The following GAD2 variants were observed in gnomAD, a reference collection of about 807,000 sequenced individuals.
GAD2 encodes glutamate decarboxylase 2, also known as 65 kDa glutamic acid decarboxylase.
Under a neutral mutation model 80.1 loss-of-function variants are expected in GAD2, and 22 were observed. The ratio of observed to expected loss-of-function variants is 0.27; its 90% CI spans 0.20 to 0.39. GAD2 has a LOEUF of 0.39. Ranked by LOEUF, GAD2 falls within the 10% of genes least tolerant of loss-of-function variation. The pLI, the probability that GAD2 is intolerant of heterozygous loss-of-function variation, is 1.00. For missense variants in GAD2, 624 were observed against 738.4 expected (o/e 0.85, Z 1.80); for synonymous variants, 274 against 256.9 (o/e 1.07, Z -0.64).
chr10:26,234,642 A>T lies in GAD2; in HGVS notation c.840+4865A>T, dbSNP rs79054243. Among the ~76,000 whole-genome samples, 1,025 of 152,252 alleles carry T rather than the reference A, an allele frequency of 6.7e-3. 65 individuals carry two copies. In the East Asian group the frequency reaches 0.17, roughly 25 times the overall value. On this transcript the variant is annotated intron_variant, in intron 7 of 15. Transcript: ENST00000376261. ...TGTGTGACACTGGACAAGTTACTTA[A>T]TCTCGCTATGCCTCAGTTTTCTGAT...
At chr10:26,227,443 T>G (rs987734968) in intron 6 of GAD2, among the ~76,000 whole-genome samples, 1 of 152,048 alleles carries the variant, frequency 6.6e-6, no homozygotes, top group Non-Finnish European at 1.5e-5. Flanking sequence ...CAGAGTGAGG[T>G]GTGGGAGGGC....
chr10:26,218,528 T>C, intron 3 of GAD2, among the ~76,000 whole-genome samples: 1 of 129,626 alleles, frequency 7.7e-6, no homozygotes, highest in Non-Finnish European at 1.6e-5. Flanking sequence ...CAGACACACA[T>C]GCATACGCTC....
chr10:26,292,541 G>A lies in GAD2; in HGVS notation c.1463G>A (p.Arg488Gln). ...TATTTATACAACATCATAAAAAACC[G>A]AGAAGGATATGAGATGGTGTTTGAT... is the stretch of plus-strand genomic sequence containing the variant. ...AEYLYNIIKN[R>Q]EGYEMVFDGK... The change falls in exon 14 of 16, where the codon CGA becomes CAA. Residue 488 changes from arginine to glutamine, a missense_variant. By Grantham distance (43) the Arg-to-Gln change is conservative. Coordinates refer to ENST00000376261, the MANE Select transcript of GAD2 (RefSeq NM_001134366.2). 6.2e-7 allele frequency: 1 copy of A among 1,613,846 alleles called. No individual in the cohort carries two copies. The highest frequency in any genetic ancestry group is 8.5e-7 in the Non-Finnish European group (1 of 1,179,762).
At chr10:26,230,319 C>T (rs774006000) in intron 7 of GAD2, among the ~76,000 whole-genome samples, 5 of 152,208 alleles carry the variant, frequency 3.3e-5, no homozygotes, top group East Asian at 1.9e-4. Flanking sequence ...ATTGATGCTA[C>T]GCCCATGTAA....
rs766629595 is a variant in GAD2 at position 26,216,809 on chromosome 10, G to T, written c.-1G>T. 1.4e-5 allele frequency: 23 copies of T among 1,611,956 alleles called. No homozygotes were observed. The South Asian group carries it at 2.5e-4, about 18-fold the overall frequency. Reference sequence around the variant, plus strand: ...GCGACCTGCTCCAGTCTCCAAAGCCGATGGCATCTCCGGGCTCTGGCTTTT... The same window carrying T: ...GCGACCTGCTCCAGTCTCCAAAGCCTATGGCATCTCCGGGCTCTGGCTTTT... On this transcript the variant is annotated 5_prime_UTR_variant, in exon 1 of 16. Transcript: ENST00000376261. The surrounding 1 kb of genome is among the most constrained non-coding windows in gnomAD (Gnocchi z 4.7).
chr10:26,263,592 T>G (rs911432977), intron 8 of GAD2, among the ~76,000 whole-genome samples: 10 of 152,238 alleles, frequency 6.6e-5, no homozygotes, highest in Non-Finnish European at 1.5e-4. Flanking sequence ...GTTTCTGTAG[T>G]CACTACGCAG....
chr10:26,270,061 C>T (rs1318975304), intron 9 of GAD2, among the ~76,000 whole-genome samples: 3 of 152,106 alleles, frequency 2.0e-5, no homozygotes, highest in Non-Finnish European at 4.4e-5. Context: ...TCTTCCAGCC[C>T]GTTACTTCAA....
chr10:26,238,005 G>GACACACACACAC (rs58551669), intron 7 of GAD2, among the ~76,000 whole-genome samples: 3 of 118,240 alleles, frequency 2.5e-5, no homozygotes, highest in African/African-American at 7.6e-5. Flanking sequence ...CCATCACACA[G>GACACACACACAC]ACACACACAC....
At chr10:26,290,117 C>T (rs1035289469) in intron 13 of GAD2, among the ~76,000 whole-genome samples, 1 of 152,110 alleles carries the variant, frequency 6.6e-6, no homozygotes, top group African/African-American at 2.4e-5. Context: ...GGGAAATGGA[C>T]ATCTGGCATC....
chr10:26,272,007 G>A (rs574896172), intron 10 of GAD2, among the ~76,000 whole-genome samples: 2 of 152,286 alleles, frequency 1.3e-5, no homozygotes, highest in East Asian at 3.9e-4. Flanking sequence ...TGATCCACCT[G>A]CCTTGGCCTC....
intron 11 of GAD2, 57 bp from the exon 12 acceptor site, chr10:26,280,952 A>G (rs1845263938): frequency 8.8e-6 from 10 of 1,140,436 alleles, no homozygotes; most frequent in Non-Finnish European, 1.2e-5. Flanking sequence ...TCAGTTGCGC[A>G]TGCCCTGAGC....
chr10:26,232,912 T>C (rs1844623858), intron 7 of GAD2, among the ~76,000 whole-genome samples: 1 of 152,254 alleles, frequency 6.6e-6, no homozygotes, highest in Non-Finnish European at 1.5e-5. Context: ...AAGGATCATT[T>C]GAATTACGAA....
rs1384467325 is a variant in GAD2 at position 26,292,624 on chromosome 10, C to T, written c.1494+52C>T. The T allele has an allele frequency of 6.1e-6, 8 of 1,312,488 alleles. No individual in the cohort carries two copies. In the Admixed American group the frequency reaches 6.8e-5, roughly 11 times the overall value. The allele number at this position is 1,312,488 out of a possible 1,614,324, so 81.3% of individuals were successfully genotyped here. A position where few individuals can be genotyped will look rare whatever the true frequency, so the allele number is the denominator to read the frequency against. On this transcript the variant is annotated intron_variant, in intron 14 of 15. Transcript: ENST00000376261. Reference sequence around the variant, plus strand: ...AGAAAGTTTAGTCAATTCCAACCCTCATCACTGATATGATGTAAATGATGT... The same window carrying T: ...AGAAAGTTTAGTCAATTCCAACCCTTATCACTGATATGATGTAAATGATGT...
intron 13 of GAD2, 149 bp from the exon 14 acceptor site, chr10:26,292,316 C>T (rs993136663): frequency 5.1e-6 from 3 of 593,222 alleles, no homozygotes; most frequent in Admixed American, 6.3e-5. Flanking sequence ...GAGAAAATAG[C>T]GCTGAAAAAG....
At chr10:26,262,599 C>T (rs902692859) in intron 8 of GAD2, among the ~76,000 whole-genome samples, 4 of 151,824 alleles carry the variant, frequency 2.6e-5, no homozygotes, top group South Asian at 2.1e-4. Flanking sequence ...ACTGTTGTTT[C>T]CCTAGCTTTT....
In GAD2 at chr10:26,217,050, C is replaced by T. The variant is rs1214587842; in HGVS notation, c.76+165C>T. ...TCCTTGACGGCCCAAGAGCTCAAGA[C>T]CTCTACAGCCTCTTGTACCCTGGGA... On this transcript the variant is annotated intron_variant, in intron 1 of 15. Coordinates refer to ENST00000376261, the MANE Select transcript of GAD2 (RefSeq NM_001134366.2). The surrounding 1 kb of genome is among the most constrained non-coding windows in gnomAD (Gnocchi z 4.9). Among the ~76,000 whole-genome samples, 1 of 152,058 alleles carries T rather than the reference C, an allele frequency of 6.6e-6. No individual in the cohort carries two copies. The highest frequency in any genetic ancestry group is 1.5e-5 in the Non-Finnish European group (1 of 68,020).
At position 26,217,749 on chromosome 10, in the gene GAD2, G is replaced by C. The variant is rs1238449128; in HGVS notation, c.136+80G>C. ...TTCTCACCTCCGCATCCCAGTCAGC[G>C]GAGTCGGGGTTTCCTGGCTGCGGGT... On this transcript the variant is annotated intron_variant, in intron 2 of 15. Coordinates refer to ENST00000376261, the MANE Select transcript of GAD2 (RefSeq NM_001134366.2). The surrounding 1 kb of genome is among the most constrained non-coding windows in gnomAD (Gnocchi z 4.9). 2 of 1,587,014 alleles carry C rather than the reference G, an allele frequency of 1.3e-6. No homozygotes were observed. Among genetic ancestry groups the C allele is most frequent in the Non-Finnish European group, 1.7e-6 (2 of 1,165,532 alleles).
chr10:26,245,451 T>C (rs1844796769), intron 7 of GAD2, among the ~76,000 whole-genome samples: 2 of 152,056 alleles, frequency 1.3e-5, no homozygotes, highest in Admixed American at 1.3e-4. Context: ...AATTTTTTTT[T>C]TTTGAGACGG....
At chr10:26,280,049 A>G (rs8190742) in intron 11 of GAD2, among the ~76,000 whole-genome samples, 261 of 152,342 alleles carry the variant, frequency 1.7e-3, no homozygotes, top group Non-Finnish European at 3.2e-3. Flanking sequence ...CTCACTGGCC[A>G]GGTGCTCTGG....
Sources: gnomAD v4.1 joint callset for allele counts (sites outside exome capture counted in the v4.1 genomes callset) on GRCh38, gnomAD v4.1.1 for gene constraint, Gnocchi (gnomAD v3.1) non-coding constraint, MANE v1.5 for transcripts, NCBI Gene and HGNC (gene_info 2026-07-23, HGNC 2026-07-21) for gene names.